Variants in LCORL observed in about 807,000 individuals in gnomAD.
The protein encoded by LCORL is ligand-dependent nuclear receptor corepressor-like protein.
A neutral mutation model predicts 141.8 loss-of-function variants in LCORL; 41 were observed. The ratio of observed to expected loss-of-function variants is 0.29; its 90% confidence interval spans 0.23 to 0.38. The LOEUF is 0.38. Among genes scored for constraint, LCORL ranks in the 10% least tolerant of loss-of-function variants. The probability of loss-of-function intolerance (pLI) is 1.00; values close to 1 mark genes in which losing one functional copy is unlikely to be tolerated. For synonymous variants in LCORL, 618 were observed against 694.1 expected, an observed-to-expected ratio of 0.89 and a Z score of 1.72; for missense variants, 1,759 against 2,035.0, an observed-to-expected ratio of 0.86 and a Z score of 2.61.
rs978983184 is a variant in LCORL, at chr4:18,021,378, C to A, written c.154+220G>T. ...TCCAAACTAACAGTTCCCGGGGAGC[C>A]CAAGAGCTGGGAAGGCGAAGGAGCG... On this transcript the variant is annotated intron_variant, in intron 1 of 7. Coordinates refer to ENST00000635767, the Ensembl canonical transcript of LCORL. The surrounding 1 kb of genome is among the most constrained non-coding windows in gnomAD (Gnocchi z 5.5). 6.6e-6 allele frequency among the ~76,000 whole-genome samples: 1 copy of A among 152,102 alleles called. No individual in the cohort carries two copies. The highest frequency in any genetic ancestry group is 1.5e-5 in the Non-Finnish European group (1 of 67,994).
At chr4:17,963,166 G>A in intron 2 of LCORL, 117 bp from the exon 3 acceptor site, 2 of 476,234 alleles carry the variant, frequency 4.2e-6, no homozygotes, top group Non-Finnish European at 3.8e-6. Flanking sequence ...AACAGTAATG[G>A]GAGAAGAACT....
intron 1 of LCORL, among the ~76,000 whole-genome samples, chr4:18,010,413 T>C (rs1042404403): frequency 7.0e-6 from 1 of 143,084 alleles, no homozygotes; most frequent in Non-Finnish European, 1.5e-5. Flanking sequence ...TGTGTGTGTG[T>C]ATATATATAT....
intron 7 of LCORL, among the ~76,000 whole-genome samples, chr4:17,861,734 C>G (rs1296909991): frequency 6.6e-6 from 1 of 152,198 alleles, no homozygotes; most frequent in Non-Finnish European, 1.5e-5. Flanking sequence ...TAACAGCACC[C>G]AAGTTTCCTC....
intron 2 of LCORL, among the ~76,000 whole-genome samples, chr4:17,963,641 ATT>A (rs34710064): frequency 2.7e-5 from 4 of 150,708 alleles, no homozygotes; most frequent in Admixed American, 1.3e-4. Context: ...TAAAACATAG[ATT>A]TTTTTTTTCC....
At chr4:17,941,634 C>A (rs147885500) in intron 4 of LCORL, among the ~76,000 whole-genome samples, 110 of 152,234 alleles carry the variant, frequency 7.2e-4, no homozygotes, top group African/African-American at 2.6e-3. Flanking sequence ...AATAATGGCA[C>A]AAGTCTTCCA....
chr4:17,945,411 G>GTTT (rs200628386), intron 4 of LCORL, among the ~76,000 whole-genome samples: 3 of 145,120 alleles, frequency 2.1e-5, no homozygotes, highest in African/African-American at 7.5e-5. Context: ...ATAAATTGGG[G>GTTT]TTTTTTTTTT....
chr4:17,981,494 C>T (rs866900578), intron 1 of LCORL, among the ~76,000 whole-genome samples: 19 of 152,068 alleles, frequency 1.2e-4, no homozygotes, highest in African/African-American at 2.2e-4. Context: ...CGGTGGCTCA[C>T]GACTGTAATC....
chr4:17,873,093 C>T (rs1200715990), intron 7 of LCORL, among the ~76,000 whole-genome samples: 1 of 151,874 alleles, frequency 6.6e-6, no homozygotes, highest in Non-Finnish European at 1.5e-5. Flanking sequence ...CTACCAAATG[C>T]AAAAGGAGAT....
At position 17,897,213 on chromosome 4, in the gene LCORL, CTTTTTTTTTTTTTTTTTTTTT is replaced by C. The variant is rs761784734; in HGVS notation, c.683-11073_683-11053del. Among the ~76,000 whole-genome samples, 87 of 63,988 alleles carry C rather than the reference CTTTTTTTTTTTTTTTTTTTTT, an allele frequency of 1.4e-3. 1 individual carries two copies. The highest frequency in any genetic ancestry group is 4.2e-3 in the Admixed American group (17 of 4,014). The allele number at this position is 63,988 out of a possible 152,430, so 42.0% of individuals were successfully genotyped here. On this transcript the variant is annotated intron_variant, in intron 5 of 7. Transcript: ENST00000635767. ...AGACTTCTCTTTGATATACTGATTT[CTTTTTTTTTTTTTTTTTTTTT>C]TTTTTTTTTTTTTTTTTAGGGTATA...
chr4:17,903,445 G>C (rs916338974), intron 5 of LCORL, among the ~76,000 whole-genome samples: 2 of 151,818 alleles, frequency 1.3e-5, no homozygotes, highest in East Asian at 1.9e-4. Context: ...ATTTCTTCTT[G>C]TACATTGGAA....
intron 5 of LCORL, among the ~76,000 whole-genome samples, chr4:17,908,867 C>T (rs1354018168): frequency 1.3e-5 from 2 of 152,066 alleles, no homozygotes; most frequent in African/African-American, 4.8e-5. Context: ...TTAGGATACA[C>T]TTTATTGCAA....
chr4:17,910,790 G>C (rs190223123), intron 4 of LCORL, among the ~76,000 whole-genome samples: 41 of 152,292 alleles, frequency 2.7e-4, no homozygotes, highest in African/African-American at 9.1e-4. Flanking sequence ...TGATCACAGG[G>C]TGCTATCTCA....
rs151115508 is a variant in LCORL, at chr4:17,881,338, T to C, written c.777-3125A>G. On this transcript the variant is annotated intron_variant, in intron 6 of 7. Transcript: ENST00000635767. ...TGAAAGTTTAACATAAAGGTCATCT[T>C]AATAGAATCACTGGGGAGAAGGGGA... 146 of 981,706 alleles carry C rather than the reference T, an allele frequency of 1.5e-4. 3 individuals carry two copies. The East Asian group carries it at 0.013, about 84-fold the overall frequency. 60.8% of individuals were successfully genotyped at this position (981,706 alleles called of 1,614,324 possible).
intron 5 of LCORL, among the ~76,000 whole-genome samples, chr4:17,894,627 A>T (rs1300982833): frequency 6.6e-6 from 1 of 152,218 alleles, no homozygotes; most frequent in Non-Finnish European, 1.5e-5. Flanking sequence ...AAACAGCTGA[A>T]TTCTCACATC....
chr4:17,981,289 T>C lies in LCORL; in HGVS notation c.155-8404A>G, dbSNP rs548482532. ...TTACTACAATAAATATTGCATCATATGGCTGAATCATCTTAACAATCTTAT... is the reference window on the plus strand; with the variant it reads ...TTACTACAATAAATATTGCATCATACGGCTGAATCATCTTAACAATCTTAT... On this transcript the variant is annotated intron_variant, in intron 1 of 7. Transcript: ENST00000635767. 2.1e-4 allele frequency among the ~76,000 whole-genome samples: 32 copies of C among 152,318 alleles called. No individual in the cohort carries two copies. The East Asian group carries it at 5.2e-3, about 25-fold the overall frequency.
In LCORL at chr4:17,962,916, CTG is replaced by C. The variant is rs761870594; in HGVS notation, c.300+52_300+53del. ...AAAACAAATTAAGATAAAAAAAAAA[CTG>C]TGTTACAATTGTGCATTAGTTTAAA... On this transcript the variant is annotated intron_variant, in intron 3 of 7. Coordinates refer to ENST00000635767, the Ensembl canonical transcript of LCORL. 976 of 893,940 alleles carry C rather than the reference CTG, an allele frequency of 1.1e-3. 6 individuals are homozygous for C. Among genetic ancestry groups the C allele is most frequent in the South Asian group, 1.5e-3 (61 of 39,432 alleles). 55.4% of individuals were successfully genotyped at this position (893,940 alleles called of 1,614,324 possible).
chr4:17,922,239 A>G (rs1167412278), intron 4 of LCORL, among the ~76,000 whole-genome samples: 1 of 152,154 alleles, frequency 6.6e-6, no homozygotes, highest in African/African-American at 2.4e-5. Flanking sequence ...GGAGTTTTTA[A>G]GTTGGTTTTG....
chr4:17,893,672 A>G, intron 5 of LCORL: 1 of 785,258 alleles, frequency 1.3e-6, no homozygotes, highest in Non-Finnish European at 1.5e-6. Context: ...CTATCTTCTA[A>G]TGCATAATTT....
chr4:17,900,039 C>T (rs1730635619), intron 5 of LCORL, among the ~76,000 whole-genome samples: 3 of 152,038 alleles, frequency 2.0e-5, no homozygotes, highest in Admixed American at 1.3e-4. Context: ...ACCCATATAA[C>T]AAATTTTTGT....
Sources: allele counts gnomAD v4.1 joint callset (sites outside exome capture counted in the v4.1 genomes callset), GRCh38; gene constraint gnomAD v4.1.1; non-coding constraint Gnocchi (gnomAD v3.1); transcripts MANE v1.5; gene names NCBI Gene and HGNC (gene_info 2026-07-23, HGNC 2026-07-21).